MGAT4A: variants seen among roughly 807,000 people sequenced by gnomAD.
MGAT4A encodes the protein N-acetylglucosaminyltransferase IVa.
In MGAT4A, 33 loss-of-function variants were observed where a neutral mutation model predicts 74.1. The ratio of observed to expected loss-of-function variants is 0.45; its 90% CI spans 0.34 to 0.60. The LOEUF (loss-of-function observed/expected upper bound fraction) is 0.60. Ranked by LOEUF, MGAT4A falls within the 20% of genes least tolerant of loss-of-function variation. The pLI, the probability that MGAT4A is intolerant of heterozygous loss-of-function variation, is 0.02. For synonymous variants in MGAT4A, 198 were observed against 210.4 expected, an observed-to-expected ratio of 0.94 and a Z score of 0.51; for missense variants, 479 against 628.3, an observed-to-expected ratio of 0.76 and a Z score of 2.54.
At chr2:98,672,085 G>A (rs1461950651) in intron 4 of MGAT4A, among the ~76,000 whole-genome samples, 1 of 151,444 alleles carries the variant, frequency 6.6e-6, no homozygotes, top group African/African-American at 2.4e-5. Flanking sequence ...TAAACACAGT[G>A]AGTTTGTGGC....
chr2:98,716,122 C>A (rs1227679241), intron 2 of MGAT4A, among the ~76,000 whole-genome samples: 1 of 151,914 alleles, frequency 6.6e-6, no homozygotes, highest in Non-Finnish European at 1.5e-5. Flanking sequence ...AGTTCGAGAC[C>A]AGCCTGGACA....
At position 98,636,534 on chromosome 2, in the gene MGAT4A, CCA is replaced by C; in HGVS notation, c.1382_1383del (p.Val461GlyfsTer6). 6.2e-7 allele frequency: 1 copy of C among 1,613,652 alleles called. No homozygotes were observed. The highest frequency in any genetic ancestry group is 8.5e-7 in the Non-Finnish European group (1 of 1,179,620). On this transcript the variant is annotated frameshift_variant, in exon 13 of 16. Transcript: ENST00000393487. LOFTEE classifies it high-confidence loss of function. ...AGTCATACCTTAAAAGGCAAAACTT[CCA>C]CAGTTGTGTTTAGCAGAATATCTCC... ...HPGDILLNTT[V>X]EVLPFKSEGL...
At chr2:98,692,513 A>C (rs977690558) in intron 2 of MGAT4A, among the ~76,000 whole-genome samples, 1 of 152,198 alleles carries the variant, frequency 6.6e-6, no homozygotes, top group Non-Finnish European at 1.5e-5. Flanking sequence ...GTAATGTCTT[A>C]GACCTTCACA....
chr2:98,723,943 G>C (rs1486444410), intron 2 of MGAT4A, among the ~76,000 whole-genome samples: 1 of 152,096 alleles, frequency 6.6e-6, no homozygotes, highest in African/African-American at 2.4e-5. Flanking sequence ...ACTCTGCCTT[G>C]GTTTCTCCAT....
At chr2:98,691,314 T>C (rs1326531364) in intron 2 of MGAT4A, among the ~76,000 whole-genome samples, 1 of 151,740 alleles carries the variant, frequency 6.6e-6, no homozygotes, top group Non-Finnish European at 1.5e-5. Context: ...ATTAGCTGGG[T>C]AACGTAGTCC....
intron 2 of MGAT4A, among the ~76,000 whole-genome samples, chr2:98,711,406 C>CA (rs1185783272): frequency 1.3e-5 from 2 of 152,056 alleles, no homozygotes; most frequent in Non-Finnish European, 2.9e-5. Flanking sequence ...AGAAGACACT[C>CA]ACTTTTTTAT....
intron 2 of MGAT4A, among the ~76,000 whole-genome samples, chr2:98,720,665 C>T (rs1397550630): frequency 1.3e-5 from 2 of 151,946 alleles, no homozygotes; most frequent in East Asian, 1.9e-4. Context: ...CTCTGATGAA[C>T]CCTAACTAAT....
At position 98,622,930 on chromosome 2, in the gene MGAT4A, G is replaced by C. The variant is rs2104204424; in HGVS notation, c.*2636C>G. 1.0e-6 allele frequency: 1 copy of C among 983,908 alleles called. No individual in the cohort carries two copies. The highest frequency in any genetic ancestry group is 5.2e-4 in the Middle Eastern group (1 of 1,920). The allele number at this position is 983,908 out of a possible 1,614,324, so 60.9% of individuals were successfully genotyped here. On this transcript the variant is annotated 3_prime_UTR_variant, in exon 16 of 16. Transcript: ENST00000393487. ...GCACTTTGGGAGGCTGAGGCAGGAG[G>C]ATTGCTTGAGGCCAGAGATCGAGGC...
rs146993116 is a variant in MGAT4A at position 98,680,483 on chromosome 2, T to C, written c.95-2012A>G. ...TTCCTTGTCCCTTACATAAAGATCCTTACAGTAAACACCTCTTAAGATTCC... is the reference window on the plus strand; with the variant it reads ...TTCCTTGTCCCTTACATAAAGATCCCTACAGTAAACACCTCTTAAGATTCC... On this transcript the variant is annotated intron_variant, in intron 2 of 15. Transcript: ENST00000393487. Among the ~76,000 whole-genome samples the C allele has an allele frequency of 3.5e-3, 539 of 152,344 alleles. 2 individuals are homozygous for C. Among genetic ancestry groups the C allele is most frequent in the African/African-American group, 0.012 (503 of 41,578 alleles).
At position 98,651,071 on chromosome 2, in the gene MGAT4A, A is replaced by AAAAGAAAG. The variant is rs58878330; in HGVS notation, c.774+4366_774+4373dup. ...CAGAGCAAGACTCCATCTCAAAAAA[A>AAAAGAAAG]AAAGAAAGAAAGAAAGAAAGAAATT... is the stretch of plus-strand genomic sequence containing the variant. On this transcript the variant is annotated intron_variant, in intron 8 of 15. Transcript: ENST00000393487. 7.6e-4 allele frequency among the ~76,000 whole-genome samples: 115 copies of AAAAGAAAG among 150,780 alleles called. 2 individuals are homozygous for AAAAGAAAG. The highest frequency in any genetic ancestry group is 6.8e-3 in the Middle Eastern group (2 of 292).
At chr2:98,666,130 G>A (rs1701826487) in intron 4 of MGAT4A, among the ~76,000 whole-genome samples, 1 of 152,318 alleles carries the variant, frequency 6.6e-6, no homozygotes, top group Non-Finnish European at 1.5e-5. Context: ...TGAAGGAAAA[G>A]ATGGTGGTTT....
chr2:98,642,951 G>C (rs1701431231), intron 10 of MGAT4A, among the ~76,000 whole-genome samples: 1 of 152,164 alleles, frequency 6.6e-6, no homozygotes, highest in African/African-American at 2.4e-5. Context: ...ATTCTAGGGA[G>C]TAGAAGGTCA....
chr2:98,728,743 T>TG (rs1702800367), intron 1 of MGAT4A, among the ~76,000 whole-genome samples: 1 of 125,290 alleles, frequency 8.0e-6, no homozygotes, highest in African/African-American at 3.9e-5. Flanking sequence ...AGACTCAGTT[T>TG]GAAAAAAAAA....
rs1289699963 is a variant in MGAT4A, at chr2:98,624,369, A to G, written c.*1197T>C. On this transcript the variant is annotated 3_prime_UTR_variant, in exon 16 of 16. Coordinates refer to ENST00000393487, the MANE Select transcript of MGAT4A (RefSeq NM_012214.3). ...AAGATCACTGATTGCTGAGACCGGT[A>G]ATATTCTTTGTTTATAGTAGTAATA... 1 of 963,644 alleles carries G rather than the reference A, an allele frequency of 1.0e-6. No homozygotes were observed. The highest frequency in any genetic ancestry group is 1.2e-6 in the Non-Finnish European group (1 of 810,278). 59.7% of individuals were successfully genotyped at this position (963,644 alleles called of 1,614,324 possible). A position where few individuals can be genotyped will look rare whatever the true frequency, so the allele number is the denominator to read the frequency against.
At chr2:98,718,517 C>G (rs964214605) in intron 2 of MGAT4A, among the ~76,000 whole-genome samples, 2 of 152,078 alleles carry the variant, frequency 1.3e-5, no homozygotes, top group African/African-American at 4.8e-5. Flanking sequence ...GTATTTGAAC[C>G]AAGATCATTC....
intron 9 of MGAT4A, among the ~76,000 whole-genome samples, chr2:98,644,407 C>G (rs1701455835): frequency 2.0e-5 from 3 of 152,100 alleles, no homozygotes; most frequent in Admixed American, 1.3e-4. Flanking sequence ...AAAATTTTAT[C>G]TGAATCAATA....
chr2:98,663,429 A>G (rs1260915566), intron 4 of MGAT4A: 10 of 1,495,830 alleles, frequency 6.7e-6, no homozygotes, highest in Middle Eastern at 3.5e-4. Context: ...CACACTAAAA[A>G]ATGAATGGCT....
intron 13 of MGAT4A, among the ~76,000 whole-genome samples, 170 bp from the exon 14 acceptor site, chr2:98,635,458 A>G (rs1039686663): frequency 1.3e-5 from 2 of 152,228 alleles, no homozygotes; most frequent in Admixed American, 1.3e-4. Flanking sequence ...ATAATAAAAG[A>G]TGTTTTCTTA....
chr2:98,627,039 A>G (rs761743768), intron 14 of MGAT4A, among the ~76,000 whole-genome samples: 31 of 152,182 alleles, frequency 2.0e-4, no homozygotes, highest in Non-Finnish European at 4.6e-4. Context: ...ATCATTTCCA[A>G]TTGAGATTTA....
Sources: gnomAD v4.1 joint callset for allele counts (sites outside exome capture counted in the v4.1 genomes callset) on GRCh38, gnomAD v4.1.1 for gene constraint, MANE v1.5 for transcripts, NCBI Gene and HGNC (gene_info 2026-07-23, HGNC 2026-07-21) for gene names.